Variants in BCKDHB observed in about 807,000 individuals in gnomAD.
BCKDHB encodes the protein branched chain keto acid dehydrogenase E1 subunit beta.
A neutral mutation model predicts 48.5 loss-of-function variants in BCKDHB; 41 were observed. The observed-to-expected ratio is 0.85, with a 90% CI of 0.66 to 1.10. BCKDHB has a LOEUF of 1.10. Among genes scored for constraint, BCKDHB ranks in the 50% least tolerant of loss-of-function variants. The pLI is 0.00. For missense variants in BCKDHB, 496 were observed against 494.2 expected, an observed-to-expected ratio of 1.00 and a Z score of -0.03; for synonymous variants, 201 against 174.8, an observed-to-expected ratio of 1.15 and a Z score of -1.18.
chr6:80,381,687 A>G, the BCKDHB span, among the ~76,000 whole-genome samples: 1 of 152,252 alleles, frequency 6.6e-6, no homozygotes. Context: ...ATATTTTAAA[A>G]TAAATTCTGC....
At chr6:80,314,310 TCC>T (rs1768325183) in intron 9 of BCKDHB, among the ~76,000 whole-genome samples, 1 of 152,166 alleles carries the variant, frequency 6.6e-6, no homozygotes, top group Admixed American at 6.5e-5. Context: ...GGGATCAGGG[TCC>T]CACTTAAAGG....
intron 8 of BCKDHB, among the ~76,000 whole-genome samples, chr6:80,236,378 A>G (rs1276874017): frequency 6.6e-6 from 1 of 152,220 alleles, no homozygotes; most frequent in Admixed American, 6.5e-5. Flanking sequence ...GTACTGTAAA[A>G]TGAAAGTCCA....
At chr6:80,407,172 G>C in the BCKDHB span, among the ~76,000 whole-genome samples, 2 of 152,134 alleles carry the variant, frequency 1.3e-5, no homozygotes, top group African/African-American at 4.8e-5. Context: ...ATATAGATGT[G>C]TGGTGTTATT....
chr6:80,456,567 G>A, the BCKDHB span, among the ~76,000 whole-genome samples: 1 of 152,156 alleles, frequency 6.6e-6, no homozygotes, highest in African/African-American at 2.4e-5. Context: ...AAACAAAAAA[G>A]CCTTCAAGAT....
intron 8 of BCKDHB, among the ~76,000 whole-genome samples, chr6:80,265,640 T>TA (rs1291875126): frequency 6.6e-6 from 1 of 152,028 alleles, no homozygotes; most frequent in African/African-American, 2.4e-5. Flanking sequence ...GGTTGTGTAA[T>TA]AATGTGAATG....
chr6:80,258,014 G>T (rs944443577), intron 8 of BCKDHB, among the ~76,000 whole-genome samples: 1 of 151,642 alleles, frequency 6.6e-6, no homozygotes, highest in Admixed American at 6.6e-5. Context: ...TATAAATCAG[G>T]ACATGAATTG....
rs1776312207 is a variant in BCKDHB at position 80,239,980 on chromosome 6, G to A, written c.952-33155G>A. Among the ~76,000 whole-genome samples the A allele has an allele frequency of 2.0e-5, 3 of 152,316 alleles. No individual in the cohort carries two copies. In the South Asian group the frequency reaches 6.2e-4, roughly 32 times the overall value. On this transcript the variant is annotated intron_variant, in intron 8 of 9. Transcript: ENST00000320393. Reference sequence around the variant, plus strand: ...GGTCTATATCTCTGTTTTGGTACCAGTACCATGCTGTTTTGGTTGCTGTAG... The same window carrying A: ...GGTCTATATCTCTGTTTTGGTACCAATACCATGCTGTTTTGGTTGCTGTAG...
At chr6:80,374,154 T>C in the BCKDHB span, 1 of 715,020 alleles carries the variant, frequency 1.4e-6, no homozygotes, top group East Asian at 2.8e-5. Flanking sequence ...AGAGCTCATG[T>C]ATGGGTTAAT....
chr6:80,332,024 A>G (rs572606640), intron 9 of BCKDHB, among the ~76,000 whole-genome samples: 1 of 152,348 alleles, frequency 6.6e-6, no homozygotes, highest in Non-Finnish European at 1.5e-5. Context: ...ATATGCATAT[A>G]TAATTTTTTG....
intron 8 of BCKDHB, among the ~76,000 whole-genome samples, chr6:80,207,841 A>C (rs1774739358): frequency 6.6e-6 from 1 of 151,864 alleles, no homozygotes; most frequent in Non-Finnish European, 1.5e-5. Flanking sequence ...ACATAGTTTG[A>C]AAATAAATAA....
the BCKDHB span, among the ~76,000 whole-genome samples, chr6:80,371,584 A>T: frequency 6.6e-6 from 1 of 151,908 alleles, no homozygotes; most frequent in Non-Finnish European, 1.5e-5. Flanking sequence ...GGGTTTTTCC[A>T]ATGTTATCTT....
chr6:80,408,156 T>A, the BCKDHB span, among the ~76,000 whole-genome samples: 1 of 152,198 alleles, frequency 6.6e-6, no homozygotes, highest in Non-Finnish European at 1.5e-5. Context: ...TGGATTACTT[T>A]TATTGATTTG....
intron 3 of BCKDHB, among the ~76,000 whole-genome samples, chr6:80,145,004 T>C (rs1456825997): frequency 1.3e-5 from 2 of 152,198 alleles, no homozygotes; most frequent in Non-Finnish European, 2.9e-5. Context: ...GGCAGCGTTC[T>C]TTCTGAGAGT....
At chr6:80,416,245 G>A in the BCKDHB span, among the ~76,000 whole-genome samples, 1 of 139,404 alleles carries the variant, frequency 7.2e-6, no homozygotes, top group East Asian at 2.1e-4. Flanking sequence ...TTTTGAATAG[G>A]TTTTTTTTTT....
intron 1 of BCKDHB, among the ~76,000 whole-genome samples, chr6:80,110,367 C>A (rs1769350400): frequency 6.6e-6 from 1 of 152,200 alleles, no homozygotes; most frequent in Non-Finnish European, 1.5e-5. Context: ...TTGGTATCCC[C>A]TATCTGCCAG....
intron 6 of BCKDHB, among the ~76,000 whole-genome samples, chr6:80,188,809 AAAAG>A (rs1773766254): frequency 6.6e-6 from 1 of 152,194 alleles, no homozygotes; most frequent in Non-Finnish European, 1.5e-5. Context: ...TAAAAATAAA[AAAAG>A]GTTTTCTGAA....
the BCKDHB span, among the ~76,000 whole-genome samples, chr6:80,461,516 A>T: frequency 2.0e-5 from 3 of 152,122 alleles, no homozygotes; most frequent in Non-Finnish European, 2.9e-5. Context: ...TAGACATCTG[A>T]TCATTTCTTT....
chr6:80,364,797 C>T, the BCKDHB span, among the ~76,000 whole-genome samples: 3 of 152,178 alleles, frequency 2.0e-5, no homozygotes, highest in Admixed American at 2.0e-4. Flanking sequence ...AATCAGTGAA[C>T]CTGTTGAAAG....
chr6:80,293,679 A>G (rs528770353), intron 9 of BCKDHB, among the ~76,000 whole-genome samples: 6 of 152,212 alleles, frequency 3.9e-5, no homozygotes, highest in South Asian at 4.1e-4. Flanking sequence ...TTTCTTTTCT[A>G]TTGCATTGTC....
Sources: allele counts gnomAD v4.1 joint callset (sites outside exome capture counted in the v4.1 genomes callset), GRCh38; gene constraint gnomAD v4.1.1; transcripts MANE v1.5; gene names NCBI Gene and HGNC (gene_info 2026-07-23, HGNC 2026-07-21).